The following NOTCH3 variants were observed in gnomAD, a reference collection of about 807,000 sequenced individuals.
NOTCH3 encodes the protein notch receptor 3, also known as neurogenic locus notch homolog protein 3.
In NOTCH3, 86 loss-of-function variants were observed where a neutral mutation model predicts 213.3. The ratio of observed to expected loss-of-function variants is 0.40; its 90% CI spans 0.34 to 0.48. The LOEUF is 0.48. Among genes scored for constraint, NOTCH3 ranks in the 20% least tolerant of loss-of-function variants. NOTCH3 has a pLI of 0.57. For missense variants in NOTCH3, 2,783 were observed against 3,272.6 expected (o/e 0.85, Z 3.65); for synonymous variants, 1,354 against 1,355.9 (o/e 1.00, Z 0.03).
chr19:15,163,708 G>A (rs2046663184), intron 31 of NOTCH3, among the ~76,000 whole-genome samples: 1 of 152,132 alleles, frequency 6.6e-6, no homozygotes, highest in Non-Finnish European at 1.5e-5. Context: ...GCACACACCT[G>A]TAATACCAGC....
At chr19:15,180,659 C>A (rs2145421337) in intron 19 of NOTCH3, 22 bp downstream of exon 19, 1 of 1,545,754 alleles carries the variant, frequency 6.5e-7, no homozygotes, top group Non-Finnish European at 8.7e-7. Flanking sequence ...CCCCACACGC[C>A]CGCCCACATG....
At chr19:15,161,746 A>C in intron 32 of NOTCH3, 32 bp from the exon 33 acceptor site, 1 of 1,596,258 alleles carries the variant, frequency 6.3e-7, no homozygotes. Context: ...AGGTCAGCGA[A>C]ACCCCAGCTA....
At chr19:15,190,948 T>G (rs1304051908) in intron 6 of NOTCH3, among the ~76,000 whole-genome samples, 4 of 152,116 alleles carry the variant, frequency 2.6e-5, no homozygotes, top group Admixed American at 6.5e-5. Flanking sequence ...CTCAAAGTCC[T>G]GGGCCCAAGC....
In NOTCH3 at chr19:15,174,129, G is replaced by A. The variant is rs934439821; in HGVS notation, c.4675C>T (p.His1559Tyr). The A allele has an allele frequency of 1.9e-6, 3 of 1,605,966 alleles. No individual in the cohort carries two copies. The highest frequency in any genetic ancestry group is 1.3e-5 in the African/African-American group (1 of 74,746). The change falls in exon 25 of 33, where the codon CAC becomes TAC. Residue 1559 changes from histidine to tyrosine, a missense_variant. His to Tyr is a moderately conservative substitution (Grantham distance 83). Transcript: ENST00000263388. The stretch of plus-strand genomic sequence containing the variant: ...GGTTCGGAGCCAGGACTAGGCCGGT[G>A]GTAAGGGAAGACCATGGCCTGGCCG... ...AHGQAMVFPY[H>Y]RPSPGSEPRA...
chr19:15,170,903 T>C lies in NOTCH3; in HGVS notation c.4737-78A>G, dbSNP rs185991135. ...CCCTGGTACCAAGCCCCACTTTCCC[T>C]CCCCAGCGCCTGGCTCTGAAGCGCC... On this transcript the variant is annotated intron_variant, in intron 25 of 32. Transcript: ENST00000263388. 1,343 of 1,516,006 alleles carry C rather than the reference T, an allele frequency of 8.9e-4. 15 individuals are homozygous for C. The African/African-American group carries it at 0.017, about 19-fold the overall frequency. The allele number at this position is 1,516,006 out of a possible 1,614,324, so 93.9% of individuals were successfully genotyped here.
intron 6 of NOTCH3, 34 bp from the exon 7 acceptor site, chr19:15,189,462 C>A (rs2046911305): frequency 6.2e-7 from 1 of 1,612,294 alleles, no homozygotes; most frequent in African/African-American, 1.3e-5. Context: ...ATAGGCAGAT[C>A]TTCCTGCTCT....
chr19:15,163,496 A>G (rs746753059), intron 31 of NOTCH3, among the ~76,000 whole-genome samples: 1 of 152,244 alleles, frequency 6.6e-6, no homozygotes. Flanking sequence ...ACCACAAATA[A>G]CAATAACAAC....
intron 12 of NOTCH3, among the ~76,000 whole-genome samples, chr19:15,186,128 G>A (rs1039640256): frequency 2.0e-5 from 3 of 151,828 alleles, no homozygotes; most frequent in Admixed American, 6.6e-5. Flanking sequence ...CTGGCTTTGG[G>A]AGTGTGTTTA....
At chr19:15,169,794 T>C (rs1208353498) in intron 28 of NOTCH3, among the ~76,000 whole-genome samples, 1 of 151,102 alleles carries the variant, frequency 6.6e-6, no homozygotes, top group Non-Finnish European at 1.5e-5. Context: ...CCAGGAAGAG[T>C]GCAGGCTGGC....
At chr19:15,183,495 G>A (rs1196761050) in intron 16 of NOTCH3, among the ~76,000 whole-genome samples, 1 of 151,962 alleles carries the variant, frequency 6.6e-6, no homozygotes, top group Non-Finnish European at 1.5e-5. Context: ...CACCTCCAAG[G>A]TTCAAGTGAT....
rs1379314193 is a variant in NOTCH3, at chr19:15,191,443, G to A, written c.1017C>T (p.Ala339=). 3 of 1,613,320 alleles carry A rather than the reference G, an allele frequency of 1.9e-6. No individual in the cohort carries two copies. The African/African-American group carries it at 4.0e-5, about 22-fold the overall frequency. Residue 339 remains alanine (A), a synonymous_variant, in exon 6 of 33, where the codon GCC becomes GCT. Coordinates refer to ENST00000263388, the MANE Select transcript of NOTCH3 (RefSeq NM_000435.3). ...CHDRVASFYC[A]CPMGKTGLLC... The stretch of plus-strand genomic sequence containing the variant: ...ACTCACCAGTCTTGCCCATGGGGCA[G>A]GCACAGTAGAAAGAAGCCACGCGGT...
chr19:15,162,929 T>C (rs555649220), intron 31 of NOTCH3, among the ~76,000 whole-genome samples: 2 of 152,072 alleles, frequency 1.3e-5, no homozygotes, highest in African/African-American at 4.8e-5. Flanking sequence ...TTTGAGGTAG[T>C]GTCTTGTTCT....
Position 15,192,150 on chromosome 19 carries a change from C to T in NOTCH3, c.489G>A (p.Arg163=), listed in dbSNP as rs1236655462. ...RSCRSDVDEC[R]VGEPCRHGGT... is the part of the protein sequence containing the mutation. ...CACCATGGCGGCAGGGCTCACCCAC[C>T]CGGCACTCATCCACGTCGCTTCGGC... The change falls in exon 4 of 33, where the codon CGG becomes CGA. Residue 163 remains arginine, a synonymous_variant. Coordinates refer to ENST00000263388, the MANE Select transcript of NOTCH3 (RefSeq NM_000435.3). 3 of 1,612,832 alleles carry T rather than the reference C, an allele frequency of 1.9e-6. No homozygotes were observed. The highest frequency in any genetic ancestry group is 2.5e-6 in the Non-Finnish European group (3 of 1,180,008).
chr19:15,184,517 G>T, intron 15 of NOTCH3, 67 bp from the exon 16 acceptor site: 6 of 1,522,126 alleles, frequency 3.9e-6, no homozygotes, highest in Non-Finnish European at 5.4e-6. Context: ...GGGACCTGGG[G>T]CTCAGGAAGA....
At chr19:15,182,218 A>C (rs2046847011) in intron 16 of NOTCH3, among the ~76,000 whole-genome samples, 1 of 152,330 alleles carries the variant, frequency 6.6e-6, no homozygotes, top group South Asian at 2.1e-4. Context: ...GTATGAAAAA[A>C]AAAATAGGCT....
At chr19:15,171,819 G>A (rs2046737291) in intron 25 of NOTCH3, among the ~76,000 whole-genome samples, 1 of 152,098 alleles carries the variant, frequency 6.6e-6, no homozygotes, top group South Asian at 2.1e-4. Context: ...ACAGGCACGC[G>A]CTGCCACGCC....
At chr19:15,181,360 A>C (rs1045175513) in intron 17 of NOTCH3, among the ~76,000 whole-genome samples, 198 bp from the exon 18 acceptor site, 23 of 152,178 alleles carry the variant, frequency 1.5e-4, no homozygotes, top group African/African-American at 4.8e-4. Flanking sequence ...GGTGAGAGCC[A>C]CCTGGAAGCC....
At chr19:15,194,526 C>T (rs2046954580) in intron 2 of NOTCH3, among the ~76,000 whole-genome samples, 1 of 152,116 alleles carries the variant, frequency 6.6e-6, no homozygotes, top group South Asian at 2.1e-4. Flanking sequence ...GGAAGCTAAA[C>T]CACAGGGTTA....
At position 15,174,083 on chromosome 19, in the gene NOTCH3, G is replaced by A. The variant is rs367924801; in HGVS notation, c.4721C>T (p.Ala1574Val). 7.6e-6 allele frequency: 12 copies of A among 1,583,390 alleles called. No individual in the cohort carries two copies. Among genetic ancestry groups the A allele is most frequent in the African/African-American group, 6.7e-5 (5 of 74,260 alleles). The change falls in exon 25 of 33, where the codon GCC becomes GTC. Residue 1574 changes from alanine to valine, a missense_variant. By Grantham distance (64) the Ala-to-Val change is moderately conservative (BLOSUM62 0). Around this residue, in one of 6 missense-constraint regions of NOTCH3, gnomAD observed 636 missense variants for 801.8 expected, o/e 0.79. Coordinates refer to ENST00000263388, the MANE Select transcript of NOTCH3 (RefSeq NM_000435.3). ...GSEPRARREL[A>V]PEVIGSVVML... is the part of the protein sequence containing the mutation. Reference sequence around the variant, plus strand: ...GGTCACTCACCCGATCACCTCGGGGGCCAGCTCCCGACGGGCCCGGGGTTC... The same window carrying A: ...GGTCACTCACCCGATCACCTCGGGGACCAGCTCCCGACGGGCCCGGGGTTC...
Sources: gnomAD v4.1 joint callset for allele counts (sites outside exome capture counted in the v4.1 genomes callset) on GRCh38, gnomAD v4.1.1 for gene constraint, gnomAD v4.1.1 regional missense constraint, MANE v1.5 for transcripts, NCBI Gene and HGNC (gene_info 2026-07-23, HGNC 2026-07-21) for gene names.